TUBB1: variants seen among roughly 807,000 people sequenced by gnomAD.
TUBB1 encodes tubulin beta 1 class VI.
A neutral mutation model predicts 22.6 loss-of-function variants in TUBB1; 28 were observed. That is an observed-to-expected ratio of 1.24 (90% CI 0.92 to 1.70). The LOEUF is 1.70. TUBB1 is among the 40% of genes most tolerant of loss of function. TUBB1 has a pLI of 0.00. For missense variants in TUBB1, 577 were observed against 605.5 expected (o/e 0.95, Z 0.49); for synonymous variants, 226 against 238.0 (o/e 0.95, Z 0.46).
At chr20:59,023,414 C>A in intron 2 of TUBB1, 76 bp from the exon 3 acceptor site, 1 of 1,405,862 alleles carries the variant, frequency 7.1e-7, no homozygotes, top group Non-Finnish European at 1.0e-6. Context: ...GGACCAGTAT[C>A]ACAAAGTTCT....
Position 59,023,910 on chromosome 20 carries a change from C to A in TUBB1, c.483C>A (p.Asp161Glu), listed in dbSNP as rs1601238822. ...LMNKIREEYP[D>E]RIMNSFSVMP... ...ACAAGATTAGAGAGGAGTACCCGGA[C>A]CGGATCATGAATTCCTTCAGCGTCA... is the stretch of plus-strand genomic sequence containing the variant. Residue 161 changes from aspartate to glutamate, a missense_variant, in exon 4 of 4, where the codon GAC becomes GAA. Coordinates refer to ENST00000217133, the MANE Select transcript of TUBB1 (RefSeq NM_030773.4). The A allele has an allele frequency of 6.2e-7, 1 of 1,614,214 alleles. No individual in the cohort carries two copies. The highest frequency in any genetic ancestry group is 8.5e-7 in the Non-Finnish European group (1 of 1,180,042).
rs1420129460 is a variant in TUBB1, at chr20:59,025,906, A to C, written c.*1123A>C. 6.6e-6 allele frequency: 1 copy of C among 152,266 alleles called. No homozygotes were observed. The highest frequency in any genetic ancestry group is 2.4e-5 in the African/African-American group (1 of 41,474). The allele number at this position is 152,266 out of a possible 1,614,324, so 9.4% of individuals were successfully genotyped here. ...ACCAAATACACAAGAGCGTAATCAA[A>C]TCATCTGTAACTTCTTAATTACAGT... On this transcript the variant is annotated 3_prime_UTR_variant, in exon 4 of 4. Coordinates refer to ENST00000217133, the MANE Select transcript of TUBB1 (RefSeq NM_030773.4).
chr20:59,024,914 G>A lies in TUBB1; in HGVS notation c.*131G>A, dbSNP rs1034365873. On this transcript the variant is annotated 3_prime_UTR_variant, in exon 4 of 4. Transcript: ENST00000217133. This position sits in a 1 kb window ranked among gnomAD's most constrained non-coding sequence, Gnocchi z 4.9. ...ATGATATGCACTCACCATTAGCTTC[G>A]ACACAGGGACTGAGGGAGACAGGTG... The A allele has an allele frequency of 8.5e-6, 7 of 827,198 alleles. No individual in the cohort carries two copies. In the East Asian group the frequency reaches 1.1e-4, roughly 12 times the overall value. The allele number at this position is 827,198 out of a possible 1,614,324, so 51.2% of individuals were successfully genotyped here.
chr20:59,020,427 G>C (rs1601236324), intron 1 of TUBB1, among the ~76,000 whole-genome samples: 1 of 152,350 alleles, frequency 6.6e-6, no homozygotes, highest in East Asian at 1.9e-4. Context: ...CAGGTGATGT[G>C]CCCGCCTGGG....
intron 2 of TUBB1, 37 bp downstream of exon 2, chr20:59,022,990 A>G (rs1295477774): frequency 1.3e-6 from 2 of 1,542,700 alleles, no homozygotes; most frequent in South Asian, 2.2e-5. Flanking sequence ...GTGGTCCCGC[A>G]ACTGGGAACA....
intron 1 of TUBB1, among the ~76,000 whole-genome samples, chr20:59,020,230 G>A (rs1424590500): frequency 1.3e-5 from 2 of 151,990 alleles, no homozygotes; most frequent in Non-Finnish European, 2.9e-5. Flanking sequence ...TGTTGCCCAC[G>A]CTGGAGTGCA....
chr20:59,024,889 A>AT lies in TUBB1; in HGVS notation c.*107dup. On this transcript the variant is annotated 3_prime_UTR_variant, in exon 4 of 4. Coordinates refer to ENST00000217133, the MANE Select transcript of TUBB1 (RefSeq NM_030773.4). This position sits in a 1 kb window ranked among gnomAD's most constrained non-coding sequence, Gnocchi z 4.9. The stretch of plus-strand genomic sequence containing the variant: ...CCCACTCTGCACTGCAGCACAGTGA[A>AT]TGATATGCACTCACCATTAGCTTCG... The AT allele has an allele frequency of 1.0e-6, 1 of 991,130 alleles. No individual in the cohort carries two copies. The highest frequency in any genetic ancestry group is 1.6e-6 in the Non-Finnish European group (1 of 632,364). 61.4% of individuals were successfully genotyped at this position (991,130 alleles called of 1,614,324 possible). A position where few individuals can be genotyped will look rare whatever the true frequency, so the allele number is the denominator to read the frequency against.
At chr20:59,019,322 A>C (rs1601235591), upstream of TUBB1, 1 of 630,534 alleles carries the variant, frequency 1.6e-6, no homozygotes, top group Admixed American at 2.5e-5. Flanking sequence ...GAAAGCAGAG[A>C]AGGGCCAGGA....
chr20:59,019,545 A>C lies in TUBB1; in HGVS notation c.23A>C (p.Gln8Pro). The change falls in exon 1 of 4, where the codon CAG becomes CCG. Residue 8 changes from glutamine (Q) to proline (P), a missense_variant. Transcript: ENST00000217133. The stretch of plus-strand genomic sequence containing the variant: ...AGGATGCGTGAAATTGTCCATATTC[A>C]GATTGGCCAGTGTGGCAACCAGATC... MREIVHI[Q>P]IGQCGNQIGA... 6.2e-7 allele frequency: 1 copy of C among 1,614,236 alleles called. No individual in the cohort carries two copies. The highest frequency in any genetic ancestry group is 8.5e-7 in the Non-Finnish European group (1 of 1,180,034).
In TUBB1 at chr20:59,019,564, C is replaced by T. The variant is rs1270680431; in HGVS notation, c.42C>T (p.Asn14=). The T allele has an allele frequency of 6.2e-7, 1 of 1,614,180 alleles. No individual in the cohort carries two copies. Among genetic ancestry groups the T allele is most frequent in the South Asian group, 1.1e-5 (1 of 91,090 alleles). ...IVHIQIGQCG[N]QIGAKFWEMI... Reference sequence around the variant, plus strand: ...ATATTCAGATTGGCCAGTGTGGCAACCAGATCGGAGCCAAGGTAAGTAATG... The same window carrying T: ...ATATTCAGATTGGCCAGTGTGGCAATCAGATCGGAGCCAAGGTAAGTAATG... Residue 14 remains asparagine, a synonymous_variant, in exon 1 of 4, where the codon AAC becomes AAT. Transcript: ENST00000217133.
chr20:59,024,174 C>G lies in TUBB1; in HGVS notation c.747C>G (p.Asp249Glu), dbSNP rs1222304666. Residue 249 changes from aspartate to glutamate, a missense_variant, in exon 4 of 4, where the codon GAC becomes GAG. Asp to Glu is a conservative substitution (Grantham distance 45, BLOSUM62 2). Coordinates refer to ENST00000217133, the MANE Select transcript of TUBB1 (RefSeq NM_030773.4). This position sits in a 1 kb window ranked among gnomAD's most constrained non-coding sequence, Gnocchi z 4.9. ...SLRFPGQLNA[D>E]LRKLAVNMVP... ...GGTTCCCGGGTCAGCTCAACGCAGA[C>G]CTGCGCAAGCTGGCGGTGAACATGG... is the stretch of plus-strand genomic sequence containing the variant. The G allele has an allele frequency of 6.2e-7, 1 of 1,614,124 alleles. No homozygotes were observed. The highest frequency in any genetic ancestry group is 1.3e-5 in the African/African-American group (1 of 74,948).
chr20:59,023,900 A>C lies in TUBB1; in HGVS notation c.473A>C (p.Glu158Ala). ...GTLLMNKIRE[E>A]YPDRIMNSFS... ...CTGCTCATGAACAAGATTAGAGAGGAGTACCCGGACCGGATCATGAATTCC... is the reference window on the plus strand; with the variant it reads ...CTGCTCATGAACAAGATTAGAGAGGCGTACCCGGACCGGATCATGAATTCC... The change falls in exon 4 of 4, where the codon GAG (glutamate) becomes GCG (alanine). Residue 158 changes from glutamate (E) to alanine (A), a missense_variant. Coordinates refer to ENST00000217133, the MANE Select transcript of TUBB1 (RefSeq NM_030773.4). 2 of 1,614,186 alleles carry C rather than the reference A, an allele frequency of 1.2e-6. No homozygotes were observed. Among genetic ancestry groups the C allele is most frequent in the Admixed American group, 1.7e-5 (1 of 60,022 alleles).
chr20:59,024,495 C>T lies in TUBB1; in HGVS notation c.1068C>T (p.Ile356=). 6.2e-7 allele frequency: 1 copy of T among 1,614,218 alleles called. No homozygotes were observed. Residue 356 remains isoleucine, a synonymous_variant, in exon 4 of 4, where the codon ATC becomes ATT. Transcript: ENST00000217133. This position sits in a 1 kb window ranked among gnomAD's most constrained non-coding sequence, Gnocchi z 4.9. ...PNNVKVAVCD[I]PPRGLSMAAT... ...ACGTCAAGGTGGCTGTCTGCGACATCCCGCCCCGGGGGCTGAGCATGGCCG... is the reference window on the plus strand; with the variant it reads ...ACGTCAAGGTGGCTGTCTGCGACATTCCGCCCCGGGGGCTGAGCATGGCCG...
chr20:59,024,697 C>A lies in TUBB1; in HGVS notation c.1270C>A (p.Gln424Lys). 1 of 1,614,116 alleles carries A rather than the reference C, an allele frequency of 6.2e-7. No homozygotes were observed. The highest frequency in any genetic ancestry group is 1.1e-5 in the South Asian group (1 of 91,064). Residue 424 changes from glutamine (Q) to lysine (K), a missense_variant, in exon 4 of 4, where the codon CAA (glutamine) becomes AAA (lysine). Transcript: ENST00000217133. The surrounding 1 kb of genome is among the most constrained non-coding windows in gnomAD (Gnocchi z 4.9). ...CCATGATTTGGTATCCGAGTACCAA[C>A]AATTTCAAGATGCCAAAGCAGTTCT... ...NIHDLVSEYQ[Q>K]FQDAKAVLEE...
chr20:59,022,000 T>TAAACAAAC lies in TUBB1; in HGVS notation c.58-842_58-841insCAAACAAA, dbSNP rs1175543082. ...ACAAGAGTGAAACTCTGTCTCAAAATAAATAAATAAACAAACAAACAAACA... is the reference window on the plus strand; with the variant it reads ...ACAAGAGTGAAACTCTGTCTCAAAATAAACAAACAAATAAATAAACAAACAAACAAACA... On this transcript the variant is annotated intron_variant, in intron 1 of 3. Transcript: ENST00000217133. 9.5e-3 allele frequency among the ~76,000 whole-genome samples: 1,385 copies of TAAACAAAC among 146,162 alleles called. 14 individuals are homozygous for TAAACAAAC. Among genetic ancestry groups the TAAACAAAC allele is most frequent in the East Asian group, 0.039 (198 of 5,070 alleles).
Position 59,024,179 on chromosome 20 carries a change from G to T in TUBB1, c.752G>T (p.Arg251Leu). Reference protein sequence around the residue: ...RFPGQLNADLRKLAVNMVPFP... With the variant: ...RFPGQLNADLLKLAVNMVPFP... The stretch of plus-strand genomic sequence containing the variant: ...CCGGGTCAGCTCAACGCAGACCTGC[G>T]CAAGCTGGCGGTGAACATGGTCCCC... The change falls in exon 4 of 4, where the codon CGC (arginine) becomes CTC (leucine). Residue 251 changes from arginine (R) to leucine (L), a missense_variant. By Grantham distance (102) the Arg-to-Leu change is moderately radical (BLOSUM62 -2). Coordinates refer to ENST00000217133, the MANE Select transcript of TUBB1 (RefSeq NM_030773.4). This position sits in a 1 kb window ranked among gnomAD's most constrained non-coding sequence, Gnocchi z 4.9. 6.2e-7 allele frequency: 1 copy of T among 1,614,166 alleles called. No individual in the cohort carries two copies. Among genetic ancestry groups the T allele is most frequent in the Non-Finnish European group, 8.5e-7 (1 of 1,180,026 alleles).
intron 1 of TUBB1, 103 bp from the exon 2 acceptor site, chr20:59,022,742 G>A: frequency 1.9e-6 from 2 of 1,035,086 alleles, no homozygotes; most frequent in Non-Finnish European, 3.0e-6. Context: ...CTTGGGGAGG[G>A]TCAGGCAACC....
chr20:59,018,830 G>A (rs2146372465), upstream of TUBB1, among the ~76,000 whole-genome samples: 1 of 152,368 alleles, frequency 6.6e-6, no homozygotes, highest in South Asian at 2.1e-4. Flanking sequence ...CAGAGCAGGG[G>A]CTGGGAAGGG....
At chr20:59,020,050 AT>A (rs1375039340) in intron 1 of TUBB1, among the ~76,000 whole-genome samples, 1 of 147,412 alleles carries the variant, frequency 6.8e-6, no homozygotes, top group Non-Finnish European at 1.5e-5. Context: ...TAATTTTTAA[AT>A]TTTTTTTTGA....
Sources: allele counts gnomAD v4.1 joint callset (sites outside exome capture counted in the v4.1 genomes callset), GRCh38; gene constraint gnomAD v4.1.1; non-coding constraint Gnocchi (gnomAD v3.1); transcripts MANE v1.5; gene names NCBI Gene and HGNC (gene_info 2026-07-23, HGNC 2026-07-21).